Variants in SLC12A9 observed in about 807,000 individuals in gnomAD.
SLC12A9 encodes CCC-interacting protein 1.
Under a neutral mutation model 66.0 loss-of-function variants are expected in SLC12A9, and 55 were observed. That is an observed-to-expected ratio of 0.83 (90% CI 0.67 to 1.04). The LOEUF (loss-of-function observed/expected upper bound fraction) is 1.04, where lower values mean the gene tolerates loss of function less well. Ranked by LOEUF, SLC12A9 falls within the 50% of genes least tolerant of loss-of-function variation. The pLI is 0.00. For synonymous variants in SLC12A9, 577 were observed against 569.0 expected, an observed-to-expected ratio of 1.01 and a Z score of -0.20; for missense variants, 1,061 against 1,241.9, an observed-to-expected ratio of 0.85 and a Z score of 2.19.
In SLC12A9 at chr7:100,866,284, G is replaced by C. The variant is rs1451480704; in HGVS notation, c.2424G>C (p.Gly808=). The C allele has an allele frequency of 1.3e-6, 2 of 1,535,200 alleles. No homozygotes were observed. Among genetic ancestry groups the C allele is most frequent in the Non-Finnish European group, 1.8e-6 (2 of 1,139,836 alleles). The change falls in exon 14 of 14, where the codon GGG becomes GGC. Residue 808 remains glycine, a synonymous_variant. Coordinates refer to ENST00000354161, the MANE Select transcript of SLC12A9 (RefSeq NM_020246.4). This position sits in a 1 kb window ranked among gnomAD's most constrained non-coding sequence, Gnocchi z 7.3. ...VQEVVWGEGA[G]AGEPEAEEEG... ...AGGTGGTGTGGGGCGAGGGGGCCGG[G>C]GCTGGGGAACCCGAGGCGGAGGAGG...
At chr7:100,855,927 G>A (rs1814363631) in intron 4 of SLC12A9, 90 bp downstream of exon 4, 2 of 1,499,246 alleles carry the variant, frequency 1.3e-6, no homozygotes, top group East Asian at 2.3e-5. Context: ...TCCAGCAGAG[G>A]GGCAGACTGA....
rs368401165 is a variant in SLC12A9 at position 100,865,370 on chromosome 7, G to A, written c.1859-349G>A. ...TGGTTTGCACAACAGAGTCAAACTC[G>A]CATCCCCTGCCGTGAAACAGATGCC... is the stretch of plus-strand genomic sequence containing the variant. On this transcript the variant is annotated intron_variant, in intron 13 of 13. Coordinates refer to ENST00000354161, the MANE Select transcript of SLC12A9 (RefSeq NM_020246.4). 56 of 1,536,038 alleles carry A rather than the reference G, an allele frequency of 3.6e-5. No homozygotes were observed. The African/African-American group carries it at 4.5e-4, about 12-fold the overall frequency.
At chr7:100,836,984 G>T (rs1244609796) in intron 1 of SLC12A9, among the ~76,000 whole-genome samples, 2 of 152,180 alleles carry the variant, frequency 1.3e-5, no homozygotes, top group African/African-American at 4.8e-5. Flanking sequence ...TGTGTTCCAG[G>T]ATCTGGGATC....
intron 1 of SLC12A9, chr7:100,827,129 C>G (rs1813428421): frequency 3.0e-6 from 4 of 1,329,564 alleles, no homozygotes; most frequent in Non-Finnish European, 4.1e-6. Flanking sequence ...ATACTCCGCG[C>G]GGGACTCCTC....
intron 1 of SLC12A9, among the ~76,000 whole-genome samples, chr7:100,835,373 C>T (rs542616181): frequency 2.6e-4 from 39 of 148,310 alleles, no homozygotes; most frequent in African/African-American, 8.9e-4. Flanking sequence ...AAAAAAATGC[C>T]GGGCGCGGTC....
intron 1 of SLC12A9, among the ~76,000 whole-genome samples, chr7:100,844,941 A>G (rs929036448): frequency 1.7e-4 from 26 of 152,088 alleles, no homozygotes; most frequent in African/African-American, 5.3e-4. Flanking sequence ...CAGTCTCTCA[A>G]TGTCACTTCC....
chr7:100,838,139 G>C (rs1234110756), intron 1 of SLC12A9, among the ~76,000 whole-genome samples: 1 of 151,920 alleles, frequency 6.6e-6, no homozygotes, highest in African/African-American at 2.4e-5. Context: ...GGGATTACAG[G>C]CGTGAGCCAC....
intron 1 of SLC12A9, chr7:100,827,557 C>A (rs1444746330): frequency 6.6e-6 from 1 of 151,562 alleles, no homozygotes; most frequent in African/African-American, 2.4e-5. Flanking sequence ...GAGGGAGGGG[C>A]GCGCGGGGGG....
In SLC12A9 at chr7:100,866,095, C is replaced by A. The variant is rs1428570955; in HGVS notation, c.2235C>A (p.Gly745=). Residue 745 remains glycine, a synonymous_variant, in exon 14 of 14, where the codon GGC becomes GGA. Coordinates refer to ENST00000354161, the MANE Select transcript of SLC12A9 (RefSeq NM_020246.4). The surrounding 1 kb of genome is among the most constrained non-coding windows in gnomAD (Gnocchi z 7.3). ...GGCCCGGCTATGTGGATGTCTGCGGCCTCTTCCTGCTGCAGATGGCAACCA... is the reference window on the plus strand; with the variant it reads ...GGCCCGGCTATGTGGATGTCTGCGGACTCTTCCTGCTGCAGATGGCAACCA... ...RGGPGYVDVC[G]LFLLQMATIL... 6.2e-7 allele frequency: 1 copy of A among 1,613,034 alleles called. No individual in the cohort carries two copies. Among genetic ancestry groups the A allele is most frequent in the Non-Finnish European group, 8.5e-7 (1 of 1,179,880 alleles).
rs929574471 is a variant in SLC12A9 at position 100,839,574 on chromosome 7, C to T, written n.228+12527C>T. On this transcript the variant is annotated intron_variant and non_coding_transcript_variant, in intron 1 of 1. Coordinates refer to the SLC12A9 transcript ENST00000461016. ...TCCCTGCGGGCGACTCTAACTAGCC[C>T]GGGCGACGCGGATCCTGAGAGTGCT... is the stretch of plus-strand genomic sequence containing the variant. Among the ~76,000 whole-genome samples the T allele has an allele frequency of 3.0e-4, 46 of 152,330 alleles. No homozygotes were observed. The Middle Eastern group carries it at 0.017, about 56-fold the overall frequency.
intron 5 of SLC12A9, chr7:100,857,737 C>T (rs1178121497): frequency 1.3e-5 from 2 of 153,564 alleles, no homozygotes; most frequent in Admixed American, 6.4e-5. Flanking sequence ...GAAACCCTCT[C>T]CCCGTCTCTA....
At chr7:100,845,106 G>T (rs1488698393) in intron 1 of SLC12A9, among the ~76,000 whole-genome samples, 1 of 151,700 alleles carries the variant, frequency 6.6e-6, no homozygotes, top group East Asian at 1.9e-4. Flanking sequence ...GGACAATACT[G>T]TATAGCAAAA....
At chr7:100,836,478 A>C (rs1456327440) in intron 1 of SLC12A9, among the ~76,000 whole-genome samples, 4 of 150,916 alleles carry the variant, frequency 2.7e-5, no homozygotes, top group African/African-American at 7.3e-5. Context: ...CAGAAAACCC[A>C]CCCCCCGCTC....
intron 3 of SLC12A9, 133 bp from the exon 4 acceptor site, chr7:100,855,573 G>T: frequency 9.1e-7 from 1 of 1,100,414 alleles, no homozygotes; most frequent in Non-Finnish European, 1.4e-6. Flanking sequence ...GCACTCAGAG[G>T]ATATGAGTGA....
At position 100,841,003 on chromosome 7, in the gene SLC12A9, TA is replaced by T. The variant is rs754454235; in HGVS notation, n.228+13968del. ...TGCTTTGCTAACAACAAAAAAAAAG[TA>T]AAAAAAAAAAACTTTTAGAGGAAAC... is the stretch of plus-strand genomic sequence containing the variant. On this transcript the variant is annotated intron_variant and non_coding_transcript_variant, in intron 1 of 1. Coordinates refer to the SLC12A9 transcript ENST00000461016. 2.4e-3 allele frequency among the ~76,000 whole-genome samples: 335 copies of T among 139,162 alleles called. 2 individuals are homozygous for T. Among genetic ancestry groups the T allele is most frequent in the Non-Finnish European group, 1.6e-3 (103 of 62,938 alleles). The allele number at this position is 139,162 out of a possible 152,430, so 91.3% of individuals were successfully genotyped here.
intron 1 of SLC12A9, among the ~76,000 whole-genome samples, chr7:100,837,063 G>A (rs1395933798): frequency 1.3e-5 from 2 of 152,126 alleles, no homozygotes; most frequent in Non-Finnish European, 2.9e-5. Flanking sequence ...TGACACCAAG[G>A]TAGAAAATCT....
intron 1 of SLC12A9, among the ~76,000 whole-genome samples, chr7:100,839,059 C>T (rs758008552): frequency 2.0e-5 from 3 of 152,144 alleles, no homozygotes; most frequent in Non-Finnish European, 4.4e-5. Flanking sequence ...CGCGGTGGCT[C>T]ACACCTGTAA....
chr7:100,865,651 A>G, intron 13 of SLC12A9, 68 bp from the exon 14 acceptor site: 1 of 1,559,384 alleles, frequency 6.4e-7, no homozygotes, highest in Non-Finnish European at 8.7e-7. Flanking sequence ...AGTGTGTGGG[A>G]GCGTGGTGTA....
upstream of SLC12A9, among the ~76,000 whole-genome samples, chr7:100,849,178 C>T (rs971870173): frequency 1.4e-4 from 21 of 151,666 alleles, no homozygotes; most frequent in African/African-American, 3.6e-4. Flanking sequence ...CCTCCTGCTT[C>T]GGCCTCCCAA....
Sources: allele counts gnomAD v4.1 joint callset (sites outside exome capture counted in the v4.1 genomes callset), GRCh38; gene constraint gnomAD v4.1.1; non-coding constraint Gnocchi (gnomAD v3.1); transcripts MANE v1.5; gene names NCBI Gene and HGNC (gene_info 2026-07-23, HGNC 2026-07-21).